PPP2R5C: variants seen among roughly 807,000 people sequenced by gnomAD.
PPP2R5C encodes serine/threonine-protein phosphatase 2A 56 kDa regulatory subunit gamma isoform.
A neutral mutation model predicts 68.9 loss-of-function variants in PPP2R5C; 7 were observed. The ratio of observed to expected loss-of-function variants is 0.10; its 90% CI spans 0.06 to 0.19. The LOEUF (loss-of-function observed/expected upper bound fraction) is 0.19, where lower values mean the gene tolerates loss of function less well. PPP2R5C is among the 10% of genes least tolerant of loss of function. The probability of loss-of-function intolerance (pLI) is 1.00; values close to 1 mark genes in which losing one functional copy is unlikely to be tolerated. For missense variants in PPP2R5C, 348 were observed against 641.3 expected, an observed-to-expected ratio of 0.54 and a Z score of 4.94; for synonymous variants, 210 against 222.2, an observed-to-expected ratio of 0.95 and a Z score of 0.49.
At chr14:101,834,175 C>T (rs972957177) in intron 1 of PPP2R5C, among the ~76,000 whole-genome samples, 1 of 152,170 alleles carries the variant, frequency 6.6e-6, no homozygotes, top group African/African-American at 2.4e-5. Context: ...CAGATTATAT[C>T]CCATGTGAAG....
At chr14:101,894,786 C>T (rs1261817815) in intron 8 of PPP2R5C, among the ~76,000 whole-genome samples, 1 of 152,162 alleles carries the variant, frequency 6.6e-6, no homozygotes, top group Non-Finnish European at 1.5e-5. Flanking sequence ...GAGATTGCCA[C>T]CTTGTCCCTC....
intron 1 of PPP2R5C, chr14:101,824,841 G>C (rs1178444898): frequency 6.6e-6 from 1 of 152,534 alleles, no homozygotes; most frequent in Non-Finnish European, 1.5e-5. Flanking sequence ...CCCAGGAGAA[G>C]CAGTGTGTTA....
rs940551145 is a variant in PPP2R5C at position 101,854,479 on chromosome 14, G to C, written c.95-2207G>C. 5.3e-5 allele frequency among the ~76,000 whole-genome samples: 8 copies of C among 152,332 alleles called. No individual in the cohort carries two copies. In the East Asian group the frequency reaches 1.4e-3, roughly 26 times the overall value. ...CTGTTTAAAGCACTAACAAGTGCCA[G>C]ATGACTTGCTCAGAGTCATACATCT... On this transcript the variant is annotated intron_variant, in intron 1 of 13. Transcript: ENST00000334743.
chr14:101,915,759 C>T lies in PPP2R5C; in HGVS notation c.1327-2072C>T, dbSNP rs1353215144. ...AGACATAGCCCCCAGCCTCAGGGAG[C>T]TTACAGTCCATTAGGAGAGGCAGAT... On this transcript the variant is annotated intron_variant, in intron 12 of 13. Transcript: ENST00000334743. This position sits in a 1 kb window ranked among gnomAD's most constrained non-coding sequence, Gnocchi z 4.2. Among the ~76,000 whole-genome samples, 2 of 152,210 alleles carry T rather than the reference C, an allele frequency of 1.3e-5. No individual in the cohort carries two copies. The highest frequency in any genetic ancestry group is 2.9e-5 in the Non-Finnish European group (2 of 68,044).
chr14:101,925,483 A>ACGGTGTCCTCG (rs2047251190), exon 14 of PPP2R5C: 2 of 790,658 alleles, frequency 2.5e-6, no homozygotes, highest in Non-Finnish European at 3.7e-6. Context: ...CGGGTTGACG[A>ACGGTGTCCTCG]CGGTGTCCTC....
chr14:101,897,400 G>A (rs2045401004), intron 8 of PPP2R5C, among the ~76,000 whole-genome samples: 1 of 142,300 alleles, frequency 7.0e-6, no homozygotes, highest in Admixed American at 6.9e-5. Flanking sequence ...GTGAGAGGTT[G>A]TATTTTTTTT....
chr14:101,816,855 AATATAT>A (rs1158840375), intron 1 of PPP2R5C, among the ~76,000 whole-genome samples: 1 of 143,936 alleles, frequency 6.9e-6, no homozygotes, highest in East Asian at 2.0e-4. Flanking sequence ...GAGAGAAATA[AATATAT>A]ATATTTATTT....
chr14:101,842,215 T>C (rs2041519384), intron 1 of PPP2R5C, among the ~76,000 whole-genome samples: 1 of 152,200 alleles, frequency 6.6e-6, no homozygotes, highest in African/African-American at 2.4e-5. Context: ...ACCTTTTAGC[T>C]GGTAAACCTC....
chr14:101,898,174 A>T (rs2045472332), intron 8 of PPP2R5C, among the ~76,000 whole-genome samples: 1 of 152,196 alleles, frequency 6.6e-6, no homozygotes, highest in Admixed American at 6.5e-5. Context: ...TAAATAAGTA[A>T]ATACAAATGG....
chr14:101,909,770 T>G, intron 11 of PPP2R5C, 80 bp downstream of exon 13: 1 of 1,015,700 alleles, frequency 9.8e-7, no homozygotes, highest in South Asian at 1.9e-5. Flanking sequence ...TGTTTTGTCC[T>G]AAAACGGTAT....
intron 5 of PPP2R5C, among the ~76,000 whole-genome samples, chr14:101,887,620 C>G (rs2044614024): frequency 6.6e-6 from 1 of 152,206 alleles, no homozygotes; most frequent in African/African-American, 2.4e-5. Context: ...GTCTGAGTTT[C>G]TACAGCCACG....
At position 101,915,803 on chromosome 14, in the gene PPP2R5C, C is replaced by T. The variant is rs1011650004; in HGVS notation, c.1327-2028C>T. Among the ~76,000 whole-genome samples, 16 of 152,192 alleles carry T rather than the reference C, an allele frequency of 1.1e-4. No homozygotes were observed. Among genetic ancestry groups the T allele is most frequent in the African/African-American group, 3.9e-4 (16 of 41,458 alleles). On this transcript the variant is annotated intron_variant, in intron 12 of 13. Transcript: ENST00000334743. The surrounding 1 kb of genome is among the most constrained non-coding windows in gnomAD (Gnocchi z 4.2). ...GGCAGATGAATTCAGCTCAGATGAT[C>T]AGATTGTATTAATAACATACCTGGG...
At chr14:101,809,841 C>T, upstream of PPP2R5C, 1 of 1,480,890 alleles carries the variant, frequency 6.8e-7, no homozygotes. Flanking sequence ...AGCCAGTTCC[C>T]TCCAGCTGCA....
intron 3 of PPP2R5C, among the ~76,000 whole-genome samples, chr14:101,802,986 A>G (rs1029909513): frequency 2.0e-5 from 3 of 148,664 alleles, no homozygotes; most frequent in African/African-American, 7.4e-5. Flanking sequence ...GAGCAAAGGC[A>G]GGCAGATCAC....
At chr14:101,840,482 C>CAAAAA (rs10611025) in intron 1 of PPP2R5C, among the ~76,000 whole-genome samples, 13 of 51,876 alleles carry the variant, frequency 2.5e-4, no homozygotes, top group Middle Eastern at 9.1e-3. Flanking sequence ...CCCCCACCAC[C>CAAAAA]AAAAAAAAAA....
chr14:101,761,790 C>T (rs1459661151), upstream of PPP2R5C: 170 of 911,302 alleles, frequency 1.9e-4, 1 homozygote, highest in South Asian at 7.3e-3. Context: ...CGGGCGGCGG[C>T]GGCGGCGGCG....
At chr14:101,760,867 G>A (rs1368332061), upstream of PPP2R5C, 1 of 243,934 alleles carries the variant, frequency 4.1e-6, no homozygotes, top group Non-Finnish European at 5.4e-6. Context: ...GGCCGGTCGA[G>A]GGGAGGGGCC....
chr14:101,887,427 A>T (rs1032534484), intron 5 of PPP2R5C, among the ~76,000 whole-genome samples: 1 of 152,208 alleles, frequency 6.6e-6, no homozygotes, highest in Non-Finnish European at 1.5e-5. Context: ...TCCTGGAGCC[A>T]GGAGCCACCG....
chr14:101,852,469 C>CTTTTTTTT (rs559509845), intron 1 of PPP2R5C, among the ~76,000 whole-genome samples: 124 of 115,090 alleles, frequency 1.1e-3, no homozygotes, highest in Non-Finnish European at 1.6e-3. Flanking sequence ...TTTTCTTTTT[C>CTTTTTTTT]TTTTTTTTTT....
Sources: gnomAD v4.1 joint callset for allele counts (sites outside exome capture counted in the v4.1 genomes callset) on GRCh38, gnomAD v4.1.1 for gene constraint, Gnocchi (gnomAD v3.1) non-coding constraint, MANE v1.5 for transcripts, NCBI Gene and HGNC (gene_info 2026-07-23, HGNC 2026-07-21) for gene names.